CPQ: variants seen among roughly 807,000 people sequenced by gnomAD.
CPQ encodes Ser-Met dipeptidase.
A neutral mutation model predicts 45.7 loss-of-function variants in CPQ; 37 were observed. The observed-to-expected ratio is 0.81, with a 90% confidence interval of 0.62 to 1.07. The LOEUF is 1.07. Among genes scored for constraint, CPQ ranks in the 50% least tolerant of loss-of-function variants. The probability of loss-of-function intolerance (pLI) is 0.00; values close to 1 mark genes in which losing one functional copy is unlikely to be tolerated. For synonymous variants in CPQ, 186 were observed against 205.8 expected (o/e 0.90, Z 0.82); for missense variants, 537 against 572.9 (o/e 0.94, Z 0.64).
At chr8:96,885,378 A>G (rs1216927063) in intron 4 of CPQ, among the ~76,000 whole-genome samples, 5 of 152,126 alleles carry the variant, frequency 3.3e-5, no homozygotes. Flanking sequence ...TGCATTGGGG[A>G]TTAAGTTCTC....
At chr8:97,004,822 A>G (rs547677793) in intron 5 of CPQ, among the ~76,000 whole-genome samples, 1 of 152,290 alleles carries the variant, frequency 6.6e-6, no homozygotes, top group East Asian at 1.9e-4. Context: ...ACTTAAAAAT[A>G]TGATTAAGAA....
chr8:96,787,038 C>T (rs1314247862), intron 2 of CPQ, among the ~76,000 whole-genome samples: 2 of 151,820 alleles, frequency 1.3e-5, no homozygotes, highest in Non-Finnish European at 2.9e-5. Context: ...ATTAGTCCAA[C>T]TAATTTATTT....
chr8:97,043,511 C>T (rs376673425), intron 6 of CPQ, among the ~76,000 whole-genome samples: 1 of 151,998 alleles, frequency 6.6e-6, no homozygotes. Context: ...TGTTATGTGT[C>T]AATTTGATCC....
chr8:96,796,519 AT>A (rs1442497050), intron 2 of CPQ, among the ~76,000 whole-genome samples: 9 of 152,050 alleles, frequency 5.9e-5, no homozygotes, highest in Admixed American at 6.6e-5. Context: ...TTCTTTCTGT[AT>A]TTTGAGGATG....
chr8:96,833,722 T>A (rs1025336132), intron 2 of CPQ, among the ~76,000 whole-genome samples: 4 of 152,218 alleles, frequency 2.6e-5, no homozygotes, highest in Non-Finnish European at 2.9e-5. Context: ...AATTGAGTTC[T>A]CAGTGTTGGT....
At chr8:97,057,810 T>TA (rs562137827) in intron 6 of CPQ, among the ~76,000 whole-genome samples, 36 of 152,050 alleles carry the variant, frequency 2.4e-4, no homozygotes, top group African/African-American at 6.7e-4. Flanking sequence ...GGCAGGCATT[T>TA]AAAAAAAATT....
At chr8:96,775,162 A>G (rs1451871408) in intron 1 of CPQ, among the ~76,000 whole-genome samples, 1 of 152,144 alleles carries the variant, frequency 6.6e-6, no homozygotes. Context: ...TGGCTGGAAG[A>G]GCGGGAAGAA....
intron 7 of CPQ, among the ~76,000 whole-genome samples, chr8:97,102,878 G>A (rs1382692260): frequency 3.3e-5 from 5 of 152,078 alleles, no homozygotes; most frequent in Admixed American, 6.6e-5. Context: ...CTTTTTTTAC[G>A]TTCTAGAGGT....
At chr8:96,875,213 T>A (rs1812130074) in intron 3 of CPQ, among the ~76,000 whole-genome samples, 1 of 152,116 alleles carries the variant, frequency 6.6e-6, no homozygotes. Flanking sequence ...TCTTTATATA[T>A]TTTAGATACA....
At chr8:97,075,636 A>G (rs1186284863) in intron 7 of CPQ, among the ~76,000 whole-genome samples, 1 of 152,198 alleles carries the variant, frequency 6.6e-6, no homozygotes, top group Non-Finnish European at 1.5e-5. Context: ...TATAAAGAAG[A>G]AGGATTTCAA....
At chr8:97,121,249 G>A (rs1461883979) in intron 7 of CPQ, among the ~76,000 whole-genome samples, 1 of 152,190 alleles carries the variant, frequency 6.6e-6, no homozygotes, top group Non-Finnish European at 1.5e-5. Context: ...AGAAAAACTG[G>A]TTTGGGACTT....
intron 1 of CPQ, among the ~76,000 whole-genome samples, chr8:96,745,136 C>A (rs575601049): frequency 6.6e-6 from 1 of 152,120 alleles, no homozygotes; most frequent in South Asian, 2.1e-4. Context: ...GGTGAAATCC[C>A]GTCTCTACTA....
chr8:97,033,762 T>C (rs1276078565), intron 6 of CPQ, among the ~76,000 whole-genome samples: 1 of 152,132 alleles, frequency 6.6e-6, no homozygotes, highest in Non-Finnish European at 1.5e-5. Flanking sequence ...ACATTCTTTC[T>C]TCCCCCTCAC....
rs78981660 is a variant in CPQ, at chr8:97,050,771, G to A, written c.1054-15238G>A. On this transcript the variant is annotated intron_variant, in intron 6 of 7. Transcript: ENST00000220763. ...CTTGAGAGTCCAGCTTGTACCCATT[G>A]TCCTGACATAATCATTAATAGAATC... 4.7e-3 allele frequency among the ~76,000 whole-genome samples: 711 copies of A among 152,242 alleles called. 3 individuals are homozygous for A. The highest frequency in any genetic ancestry group is 0.016 in the African/African-American group (679 of 41,540).
intron 1 of CPQ, among the ~76,000 whole-genome samples, chr8:96,764,926 A>G (rs1321541328): frequency 6.6e-6 from 1 of 152,200 alleles, no homozygotes; most frequent in East Asian, 1.9e-4. Flanking sequence ...TAGTTGCTAG[A>G]GGCTACTTTT....
chr8:97,071,066 G>T (rs1810733442), intron 7 of CPQ, among the ~76,000 whole-genome samples: 1 of 152,166 alleles, frequency 6.6e-6, no homozygotes, highest in Non-Finnish European at 1.5e-5. Flanking sequence ...CTGCCAAGAA[G>T]AGTTTACTCC....
At chr8:96,685,557 G>C (rs1809216416) in intron 1 of CPQ, among the ~76,000 whole-genome samples, 1 of 151,732 alleles carries the variant, frequency 6.6e-6, no homozygotes, top group African/African-American at 2.4e-5. Context: ...GTCTATTTCT[G>C]GGTTCTCTGT....
intron 4 of CPQ, among the ~76,000 whole-genome samples, chr8:96,948,795 A>C (rs925091836): frequency 6.6e-6 from 1 of 151,972 alleles, no homozygotes; most frequent in Non-Finnish European, 1.5e-5. Flanking sequence ...CAGTTCTGTT[A>C]ATGTTTGCTT....
intron 4 of CPQ, among the ~76,000 whole-genome samples, chr8:96,891,359 T>A (rs940378047): frequency 6.6e-6 from 1 of 152,214 alleles, no homozygotes; most frequent in Non-Finnish European, 1.5e-5. Context: ...CTGATCTCCC[T>A]GAGGAATGGT....
Sources: gnomAD v4.1 joint callset for allele counts (sites outside exome capture counted in the v4.1 genomes callset) on GRCh38, gnomAD v4.1.1 for gene constraint, MANE v1.5 for transcripts, NCBI Gene and HGNC (gene_info 2026-07-23, HGNC 2026-07-21) for gene names.